GAS7: variants seen among roughly 807,000 people sequenced by gnomAD.
GAS7 encodes growth arrest-specific protein 7.
A neutral mutation model predicts 71.1 loss-of-function variants in GAS7; 28 were observed. The observed-to-expected ratio is 0.39, with a 90% confidence interval of 0.29 to 0.54. The LOEUF (loss-of-function observed/expected upper bound fraction) is 0.54, where lower values mean the gene tolerates loss of function less well. GAS7 is among the 20% of genes least tolerant of loss of function. The pLI is 0.62. For synonymous variants in GAS7, 258 were observed against 245.8 expected, an observed-to-expected ratio of 1.05 and a Z score of -0.46; for missense variants, 436 against 627.8, an observed-to-expected ratio of 0.69 and a Z score of 3.27.
chr17:10,058,451 C>CA (rs1303509856), intron 1 of GAS7, among the ~76,000 whole-genome samples: 2,299 of 92,770 alleles, frequency 0.025, 22 homozygotes, highest in African/African-American at 0.028. Flanking sequence ...GACTCCGTCT[C>CA]AAAAAAAAAA....
At chr17:10,163,833 G>A (rs2074273522) in intron 1 of GAS7, among the ~76,000 whole-genome samples, 1 of 152,188 alleles carries the variant, frequency 6.6e-6, no homozygotes, top group African/African-American at 2.4e-5. Flanking sequence ...CCTTAGGTCA[G>A]TTACTCCAGT....
chr17:10,057,406 G>A (rs958973340), intron 1 of GAS7, among the ~76,000 whole-genome samples: 13 of 150,278 alleles, frequency 8.7e-5, no homozygotes, highest in South Asian at 2.1e-4. Context: ...CTGCCCTGCC[G>A]CCCCGTCTGG....
intron 10 of GAS7, 125 bp from the exon 11 acceptor site, chr17:9,925,724 G>A: frequency 3.0e-6 from 3 of 1,008,446 alleles, no homozygotes; most frequent in South Asian, 3.1e-5. Flanking sequence ...TGCCACAGTG[G>A]TCCAGAGAGG....
chr17:9,989,332 ATAT>A (rs951334331), intron 2 of GAS7, among the ~76,000 whole-genome samples: 5 of 152,100 alleles, frequency 3.3e-5, no homozygotes, highest in African/African-American at 7.2e-5. Context: ...CTCAATATGA[ATAT>A]TATTATTATT....
intron 1 of GAS7, among the ~76,000 whole-genome samples, chr17:10,127,251 C>T (rs996873905): frequency 6.6e-6 from 1 of 152,134 alleles, no homozygotes; most frequent in Admixed American, 6.5e-5. Flanking sequence ...AGTGCTTCCA[C>T]GAGCCCCTCC....
intron 2 of GAS7, among the ~76,000 whole-genome samples, chr17:9,999,798 T>C (rs9910499): frequency 0.14 from 21,410 of 152,046 alleles, 2,065 homozygotes; most frequent in African/African-American, 0.27. Context: ...ACGTCAAAAA[T>C]GGCATTCAGG....
intron 1 of GAS7, among the ~76,000 whole-genome samples, chr17:10,142,186 G>A (rs1028793629): frequency 2.7e-5 from 4 of 149,964 alleles, no homozygotes; most frequent in Admixed American, 6.7e-5. Context: ...ACTGCAGTCC[G>A]GCCTGGGCGA....
At chr17:10,071,014 T>A (rs1438075688) in intron 1 of GAS7, among the ~76,000 whole-genome samples, 1 of 151,962 alleles carries the variant, frequency 6.6e-6, no homozygotes, top group Non-Finnish European at 1.5e-5. Context: ...CCCATCCCTG[T>A]CTGACTCCTA....
At chr17:9,946,785 C>G in intron 6 of GAS7, 109 bp downstream of exon 6, 1 of 663,916 alleles carries the variant, frequency 1.5e-6, no homozygotes, top group Non-Finnish European at 2.7e-6. Context: ...CTTCACGCTC[C>G]AACGAGAAAG....
intron 2 of GAS7, among the ~76,000 whole-genome samples, chr17:9,982,797 G>GGAAA (rs1567852905): frequency 7.8e-5 from 5 of 64,090 alleles, no homozygotes; most frequent in Middle Eastern, 7.6e-3. Context: ...AAGAAAGAAA[G>GGAAA]GAAAGAAAGG....
At chr17:10,143,160 C>A (rs150449773) in intron 1 of GAS7, among the ~76,000 whole-genome samples, 2 of 151,958 alleles carry the variant, frequency 1.3e-5, no homozygotes, top group Non-Finnish European at 2.9e-5. Flanking sequence ...CCAGCCTGGG[C>A]GACAGAGACA....
At chr17:9,945,868 C>T (rs1255825146) in intron 6 of GAS7, among the ~76,000 whole-genome samples, 1 of 151,926 alleles carries the variant, frequency 6.6e-6, no homozygotes. Flanking sequence ...TCTGTAGTCC[C>T]AGCTGCTCAG....
chr17:9,996,609 GTA>G (rs914026099), intron 2 of GAS7, among the ~76,000 whole-genome samples: 32 of 130,040 alleles, frequency 2.5e-4, no homozygotes, highest in African/African-American at 8.7e-4. Context: ...GTGTGTGTGT[GTA>G]TATATACACA....
rs1027739398 is a variant in GAS7, at chr17:9,934,380, A to C, written c.807-136T>G. 4.6e-6 allele frequency: 3 copies of C among 659,134 alleles called. No individual in the cohort carries two copies. The African/African-American group carries it at 5.4e-5, about 12-fold the overall frequency. 40.8% of individuals were successfully genotyped at this position (659,134 alleles called of 1,614,324 possible). On this transcript the variant is annotated intron_variant, in intron 8 of 13. Coordinates refer to ENST00000432992, the MANE Select transcript of GAS7 (RefSeq NM_201433.2). ...GACGCGGATGAGGCAGAAGTCAGGC[A>C]GAAACCAGACATGAGCATCACGTTT...
chr17:9,982,338 G>A (rs2070441643), intron 2 of GAS7, among the ~76,000 whole-genome samples: 1 of 152,206 alleles, frequency 6.6e-6, no homozygotes, highest in African/African-American at 2.4e-5. Flanking sequence ...GCAGGAGCCT[G>A]TAAAGAGACA....
chr17:9,950,110 C>G lies in GAS7; in HGVS notation c.526-3127G>C, dbSNP rs189399206. On this transcript the variant is annotated intron_variant, in intron 5 of 13. Coordinates refer to ENST00000432992, the MANE Select transcript of GAS7 (RefSeq NM_201433.2). Reference sequence around the variant, plus strand: ...AACTCCTGACCCCAAGTGATCCACCCTCCTCGGCCTCCCAAAGTGCTGGGA... The same window carrying G: ...AACTCCTGACCCCAAGTGATCCACCGTCCTCGGCCTCCCAAAGTGCTGGGA... Among the ~76,000 whole-genome samples, 614 of 152,182 alleles carry G rather than the reference C, an allele frequency of 4.0e-3. 5 individuals carry two copies. Among genetic ancestry groups the G allele is most frequent in the African/African-American group, 0.014 (581 of 41,560 alleles).
chr17:10,096,331 A>G (rs772514717), intron 1 of GAS7, among the ~76,000 whole-genome samples: 1 of 152,168 alleles, frequency 6.6e-6, no homozygotes, highest in Non-Finnish European at 1.5e-5. Flanking sequence ...TCAACTGCCA[A>G]GATCTCTCCA....
In GAS7 at chr17:9,977,526, C is replaced by T. The variant is rs768087279; in HGVS notation, c.385+4278G>A. On this transcript the variant is annotated intron_variant, in intron 3 of 13. Coordinates refer to ENST00000432992, the MANE Select transcript of GAS7 (RefSeq NM_201433.2). The stretch of plus-strand genomic sequence containing the variant: ...AATATTTGCAGCAGTTACTGAATGG[C>T]GTCTTAGGTGTTCTGTTTTGGTTTA... Among the ~76,000 whole-genome samples, 12 of 152,302 alleles carry T rather than the reference C, an allele frequency of 7.9e-5. No individual in the cohort carries two copies. The East Asian group carries it at 1.7e-3, about 22-fold the overall frequency.
In GAS7 at chr17:9,970,456, C is replaced by T. The variant is rs1158635342; in HGVS notation, c.386-694G>A. Among the ~76,000 whole-genome samples the T allele has an allele frequency of 2.6e-5, 4 of 151,968 alleles. No homozygotes were observed. In the East Asian group the frequency reaches 7.7e-4, roughly 29 times the overall value. The stretch of plus-strand genomic sequence containing the variant: ...ACCAGCCTAGCCAACATGGTGAAAC[C>T]CTGTCTCTACTAAAAATACAAAAAA... On this transcript the variant is annotated intron_variant, in intron 3 of 13. Transcript: ENST00000432992.
Sources: allele counts gnomAD v4.1 joint callset (sites outside exome capture counted in the v4.1 genomes callset), GRCh38; gene constraint gnomAD v4.1.1; transcripts MANE v1.5; gene names NCBI Gene and HGNC (gene_info 2026-07-23, HGNC 2026-07-21).